Variants in LPP observed in about 807,000 individuals in gnomAD.
LPP encodes LIM domain containing preferred translocation partner in lipoma, also known as lipoma-preferred partner.
Under a neutral mutation model 60.4 loss-of-function variants are expected in LPP, and 38 were observed. The observed-to-expected ratio is 0.63, with a 90% confidence interval of 0.49 to 0.83. The LOEUF (loss-of-function observed/expected upper bound fraction) is 0.83. Ranked by LOEUF, LPP falls within the 40% of genes least tolerant of loss-of-function variation. LPP has a pLI of 0.00. For synonymous variants in LPP, 328 were observed against 290.8 expected (o/e 1.13, Z -1.30); for missense variants, 902 against 783.6 (o/e 1.15, Z -1.80).
intron 8 of LPP, among the ~76,000 whole-genome samples, chr3:188,721,933 C>T (rs1716580733): frequency 6.6e-6 from 1 of 152,130 alleles, no homozygotes; most frequent in Admixed American, 6.5e-5. Flanking sequence ...ATCCTTTTGA[C>T]CTTAATTCCT....
chr3:188,847,311 G>A (rs940735972), intron 9 of LPP, among the ~76,000 whole-genome samples: 3 of 152,166 alleles, frequency 2.0e-5, no homozygotes, highest in Admixed American at 1.3e-4. Context: ...CTAAACTAAG[G>A]TGGAAGCCTT....
At chr3:188,167,958 T>G (rs1452261324) in intron 1 of LPP, among the ~76,000 whole-genome samples, 1 of 152,230 alleles carries the variant, frequency 6.6e-6, no homozygotes, top group Admixed American at 6.5e-5. Flanking sequence ...CTTTGATTAC[T>G]AAAAAAATTT....
chr3:188,481,040 C>T (rs758223411), intron 4 of LPP, among the ~76,000 whole-genome samples: 2 of 152,176 alleles, frequency 1.3e-5, no homozygotes, highest in African/African-American at 2.4e-5. Flanking sequence ...GTCTCTAAAG[C>T]TGAACTTATT....
rs957279260 is a variant in LPP, at chr3:188,875,365, C to T, written c.*886C>T. ...TAACATTTTCAATACTGTCCCACTT[C>T]TCATCTTAAAAATATTGTCATGTTT... is the stretch of plus-strand genomic sequence containing the variant. On this transcript the variant is annotated 3_prime_UTR_variant, in exon 12 of 12. Transcript: ENST00000617246. 4.6e-6 allele frequency: 1 copy of T among 218,366 alleles called. No homozygotes were observed. Among genetic ancestry groups the T allele is most frequent in the Non-Finnish European group, 9.2e-6 (1 of 108,600 alleles). 13.5% of individuals were successfully genotyped at this position (218,366 alleles called of 1,614,324 possible).
intron 5 of LPP, among the ~76,000 whole-genome samples, chr3:188,512,506 TGCAGTGAGTGCCATTGC>T: frequency 6.6e-6 from 1 of 151,884 alleles, no homozygotes; most frequent in Middle Eastern, 3.4e-3. Context: ...GAGCCAAGGT[TGCAGTGAGTGCCATTGC>T]GCTCTAGTCT....
intron 9 of LPP, among the ~76,000 whole-genome samples, chr3:188,767,056 G>C (rs75486134): frequency 0.043 from 6,484 of 152,162 alleles, 446 homozygotes; most frequent in African/African-American, 0.14. Flanking sequence ...ACCTACATAT[G>C]CTTTCTGAAG....
At chr3:188,310,144 A>G (rs754230442) in intron 2 of LPP, among the ~76,000 whole-genome samples, 68 of 151,910 alleles carry the variant, frequency 4.5e-4, no homozygotes, top group Non-Finnish European at 9.3e-4. Flanking sequence ...TCTTTAAGTC[A>G]TTGTGTTCTA....
intron 2 of LPP, among the ~76,000 whole-genome samples, chr3:188,256,300 C>A (rs1731652231): frequency 1.3e-5 from 2 of 152,098 alleles, no homozygotes; most frequent in African/African-American, 4.8e-5. Context: ...GTTATTAAAT[C>A]TTAGTTATTA....
Position 188,866,308 on chromosome 3 carries a change from C to T in LPP, c.1519C>T (p.Arg507Cys), listed in dbSNP as rs759179908. ...CTGTTTCACCTGCGTGATGTGCCAC[C>T]GCAGCCTGGATGGGATCCCATTCAC... ...PHCFTCVMCH[R>C]SLDGIPFTVD... Residue 507 changes from arginine (R) to cysteine (C), a missense_variant, in exon 10 of 12, where the codon CGC becomes TGC. Physicochemically the swap from Arg to Cys is radical, Grantham distance 180 (BLOSUM62 -3). Transcript: ENST00000617246. 12 of 1,589,116 alleles carry T rather than the reference C, an allele frequency of 7.6e-6. No individual in the cohort carries two copies. The highest frequency in any genetic ancestry group is 2.3e-5 in the East Asian group (1 of 42,920).
intron 8 of LPP, among the ~76,000 whole-genome samples, chr3:188,750,303 A>G (rs77823846): frequency 0.037 from 5,701 of 152,270 alleles, 193 homozygotes; most frequent in South Asian, 0.14. Flanking sequence ...GGGTAATATG[A>G]TCATTGGAGA....
chr3:188,511,367 G>C (rs1398277417), intron 5 of LPP, among the ~76,000 whole-genome samples: 1 of 133,372 alleles, frequency 7.5e-6, no homozygotes, highest in Non-Finnish European at 1.6e-5. Context: ...CTTCATATCA[G>C]TGTGTCTTGA....
chr3:188,874,710 A>G lies in LPP; in HGVS notation c.*231A>G. 1 of 464,560 alleles carries G rather than the reference A, an allele frequency of 2.2e-6. No homozygotes were observed. Among genetic ancestry groups the G allele is most frequent in the South Asian group, 3.7e-5 (1 of 26,712 alleles). 28.8% of individuals were successfully genotyped at this position (464,560 alleles called of 1,614,324 possible). ...GGCCTTTGTTCCCAAGGACTTCCAC[A>G]TTTTTGCACAGATTATGCTCCATCC... On this transcript the variant is annotated 3_prime_UTR_variant, in exon 12 of 12. Transcript: ENST00000617246.
In LPP at chr3:188,406,118, A is replaced by G; in HGVS notation, c.-3A>G. The G allele has an allele frequency of 1.2e-6, 2 of 1,609,568 alleles. No homozygotes were observed. The highest frequency in any genetic ancestry group is 1.7e-6 in the Non-Finnish European group (2 of 1,177,988). On this transcript the variant is annotated 5_prime_UTR_variant, in exon 4 of 12. Coordinates refer to ENST00000617246, the MANE Select transcript of LPP (RefSeq NM_001375462.1). The stretch of plus-strand genomic sequence containing the variant: ...TGTTTCTTTTTCATTGCAGATTCCA[A>G]CAATGTCTCACCCATCTTGGCTGCC...
intron 5 of LPP, among the ~76,000 whole-genome samples, chr3:188,521,868 T>C (rs190395389): frequency 2.0e-5 from 3 of 152,278 alleles, no homozygotes; most frequent in Admixed American, 2.0e-4. Flanking sequence ...GAAATACACT[T>C]ACCAAATTTA....
At chr3:188,314,799 C>T (rs757412212) in intron 2 of LPP, among the ~76,000 whole-genome samples, 3 of 152,162 alleles carry the variant, frequency 2.0e-5, no homozygotes, top group Admixed American at 6.5e-5. Context: ...AGCCTGGCGA[C>T]AGAGAGAGAC....
chr3:188,367,783 T>A (rs547595593), intron 3 of LPP, among the ~76,000 whole-genome samples: 1 of 152,316 alleles, frequency 6.6e-6, no homozygotes, highest in East Asian at 1.9e-4. Flanking sequence ...CTCTGAGAAG[T>A]CGAACAGGCA....
At chr3:188,563,121 C>T (rs1202800064) in intron 6 of LPP, among the ~76,000 whole-genome samples, 1 of 151,906 alleles carries the variant, frequency 6.6e-6, no homozygotes, top group East Asian at 1.9e-4. Context: ...CTGAGCCTCA[C>T]TCTTGGTCCT....
chr3:188,560,739 A>G (rs1424287408), intron 6 of LPP, among the ~76,000 whole-genome samples: 1 of 152,128 alleles, frequency 6.6e-6, no homozygotes, highest in Non-Finnish European at 1.5e-5. Flanking sequence ...CCCCTGAAGT[A>G]GTAACATTTC....
Position 188,607,389 on chromosome 3 carries a change from A to T in LPP, c.430-1772A>T, listed in dbSNP as rs1390980729. On this transcript the variant is annotated intron_variant, in intron 6 of 11. Coordinates refer to ENST00000617246, the MANE Select transcript of LPP (RefSeq NM_001375462.1). ...ATAGAAGATATATATATATATATATATATATATATATATATATATATATAT... is the reference window on the plus strand; with the variant it reads ...ATAGAAGATATATATATATATATATTTATATATATATATATATATATATAT... Among the ~76,000 whole-genome samples, 129 of 29,574 alleles carry T rather than the reference A, an allele frequency of 4.4e-3. 3 individuals are homozygous for T. The highest frequency in any genetic ancestry group is 0.017 in the African/African-American group (121 of 7,198). The allele number at this position is 29,574 out of a possible 152,430, so 19.4% of individuals were successfully genotyped here.
Sources: gnomAD v4.1 joint callset for allele counts (sites outside exome capture counted in the v4.1 genomes callset) on GRCh38, gnomAD v4.1.1 for gene constraint, MANE v1.5 for transcripts, NCBI Gene and HGNC (gene_info 2026-07-23, HGNC 2026-07-21) for gene names.